Variants in GPR146 observed in about 807,000 individuals in gnomAD.
GPR146 encodes the protein G protein-coupled receptor 146, also known as G-protein coupled receptor 146.
For missense variants in GPR146, 381 were observed against 213.9 expected, an observed-to-expected ratio of 1.78 and a Z score of -4.87; for synonymous variants, 203 against 104.3, an observed-to-expected ratio of 1.95 and a Z score of -5.77.
Position 1,059,028 on chromosome 7 carries a change from A to G in GPR146, c.*511A>G, listed in dbSNP as rs1001345441. On this transcript the variant is annotated 3_prime_UTR_variant, in exon 2 of 2. Coordinates refer to ENST00000444847, the MANE Select transcript of GPR146 (RefSeq NM_001303473.2). ...GCCTGCCGGGTGTGCCGCAGTCACCACAGGGTTCTGAGAACATTTCACAGA... is the reference window on the plus strand; with the variant it reads ...GCCTGCCGGGTGTGCCGCAGTCACCGCAGGGTTCTGAGAACATTTCACAGA... 1 of 180,016 alleles carries G rather than the reference A, an allele frequency of 5.6e-6. No homozygotes were observed. Among genetic ancestry groups the G allele is most frequent in the Admixed American group, 5.5e-5 (1 of 18,158 alleles). 11.2% of individuals were successfully genotyped at this position (180,016 alleles called of 1,614,324 possible). A position where few individuals can be genotyped will look rare whatever the true frequency, so the allele number is the denominator to read the frequency against.
Position 1,052,237 on chromosome 7 carries a change from C to A in GPR146, c.-24-5255C>A, listed in dbSNP as rs1783184875. ...TGGGTGAGGAGCCTCTGAGCAGGCGCCTGCGTCGAGGCGTGCCCTCCTGAG... is the reference window on the plus strand; with the variant it reads ...TGGGTGAGGAGCCTCTGAGCAGGCGACTGCGTCGAGGCGTGCCCTCCTGAG... On this transcript the variant is annotated intron_variant, in intron 1 of 1. Transcript: ENST00000444847. This position sits in a 1 kb window ranked among gnomAD's most constrained non-coding sequence, Gnocchi z 4.2. 6.6e-6 allele frequency among the ~76,000 whole-genome samples: 1 copy of A among 152,244 alleles called. No homozygotes were observed. The highest frequency in any genetic ancestry group is 6.5e-5 in the Admixed American group (1 of 15,290).
At chr7:1,046,416 G>A (rs2128192289) in intron 1 of GPR146, among the ~76,000 whole-genome samples, 1 of 152,288 alleles carries the variant, frequency 6.6e-6, no homozygotes, top group Middle Eastern at 3.4e-3. Context: ...CTGCCTGCCA[G>A]CTCCTCTGCT....
In GPR146 at chr7:1,052,305, C is replaced by CG. The variant is rs1304081862; in HGVS notation, c.-24-5186dup. ...AGCGTCCAGCTCGGCTGGGGACACT[C>CG]GCCTGAGAAGAGCCCAGTCCTGGGT... On this transcript the variant is annotated intron_variant, in intron 1 of 1. Coordinates refer to ENST00000444847, the MANE Select transcript of GPR146 (RefSeq NM_001303473.2). This position sits in a 1 kb window ranked among gnomAD's most constrained non-coding sequence, Gnocchi z 4.2. Among the ~76,000 whole-genome samples, 1 of 152,222 alleles carries CG rather than the reference C, an allele frequency of 6.6e-6. No individual in the cohort carries two copies. The highest frequency in any genetic ancestry group is 1.5e-5 in the Non-Finnish European group (1 of 68,030).
chr7:1,050,219 ACTC>A (rs1318406975), intron 1 of GPR146, among the ~76,000 whole-genome samples: 1 of 152,100 alleles, frequency 6.6e-6, no homozygotes, highest in African/African-American at 2.4e-5. Context: ...GTGGGCAGTG[ACTC>A]CTCAGGCACA....
chr7:1,057,282 A>G (rs1881125), intron 1 of GPR146, among the ~76,000 whole-genome samples: 88,656 of 151,910 alleles, frequency 0.58, 26,295 homozygotes, highest in African/African-American at 0.67. Context: ...CCGCTGAAAT[A>G]AGTGCAGCCA....
chr7:1,050,241 A>G (rs1045099508), intron 1 of GPR146, among the ~76,000 whole-genome samples: 1 of 152,160 alleles, frequency 6.6e-6, no homozygotes, highest in African/African-American at 2.4e-5. Context: ...CAGTGGCCCA[A>G]AGTCACAGGT....
chr7:1,058,144 T>C lies in GPR146; in HGVS notation c.629T>C (p.Leu210Pro). 1 of 743,156 alleles carries C rather than the reference T, an allele frequency of 1.3e-6. No homozygotes were observed. The highest frequency in any genetic ancestry group is 2.5e-5 in the East Asian group (1 of 40,298). The allele number at this position is 743,156 out of a possible 1,614,324, so 46.0% of individuals were successfully genotyped here. ...GCCACCCTCTACGCGCTGGTGCTAC[T>C]CTCCCGCGTCCGCAGGGAGGACACG... ...ALATLYALVL[L>P]SRVRREDTPL... is the part of the protein sequence containing the mutation. The change falls in exon 2 of 2, where the codon CTC becomes CCC. Residue 210 changes from leucine (L) to proline (P), a missense_variant. By Grantham distance (98) the Leu-to-Pro change is moderately conservative. Transcript: ENST00000444847.
intron 1 of GPR146, among the ~76,000 whole-genome samples, chr7:1,048,928 C>A (rs536273967): frequency 6.6e-6 from 1 of 152,358 alleles, no homozygotes; most frequent in Admixed American, 6.5e-5. Context: ...CAGTTTAGTA[C>A]TAGTGAAACA....
In GPR146 at chr7:1,052,114, C is replaced by T. The variant is rs1203028889; in HGVS notation, c.-24-5378C>T. ...GAGGCCCAGGCAGGGCCAGCTCCTT[C>T]CACCTTCCCAGCCAAGATGCTGCCT... On this transcript the variant is annotated intron_variant, in intron 1 of 1. Coordinates refer to ENST00000444847, the MANE Select transcript of GPR146 (RefSeq NM_001303473.2). This position sits in a 1 kb window ranked among gnomAD's most constrained non-coding sequence, Gnocchi z 4.2. 5.9e-5 allele frequency among the ~76,000 whole-genome samples: 9 copies of T among 152,278 alleles called. No individual in the cohort carries two copies. The highest frequency in any genetic ancestry group is 1.3e-4 in the Non-Finnish European group (9 of 68,050).
chr7:1,045,102 C>G (rs1256761007), intron 1 of GPR146, among the ~76,000 whole-genome samples: 1 of 152,232 alleles, frequency 6.6e-6, no homozygotes, highest in Non-Finnish European at 1.5e-5. Flanking sequence ...GGACAGTTGG[C>G]AGGGCATGGG....
rs1361985495 is a variant in GPR146 at position 1,058,633 on chromosome 7, G to A, written c.*116G>A. 6.5e-6 allele frequency: 4 copies of A among 616,112 alleles called. No homozygotes were observed. The highest frequency in any genetic ancestry group is 8.9e-6 in the Non-Finnish European group (3 of 337,820). 38.2% of individuals were successfully genotyped at this position (616,112 alleles called of 1,614,324 possible). ...GAGCTGCTGGAAGAGAAGCAGGAGG[G>A]GTGTTTTTCTTGAAGTTTCCTTTTT... is the stretch of plus-strand genomic sequence containing the variant. On this transcript the variant is annotated 3_prime_UTR_variant, in exon 2 of 2. Transcript: ENST00000444847.
In GPR146 at chr7:1,058,578, G is replaced by GGGCCCTCACACGC; in HGVS notation, c.*61_*62insGGCCCTCACACGC. ...GGACGCAGAGCACTTAGTTACCCTG[G>GGGCCCTCACACGC]ACGCTCCCCACATCCTTCCAGAAGG... On this transcript the variant is annotated 3_prime_UTR_variant, in exon 2 of 2. Coordinates refer to ENST00000444847, the MANE Select transcript of GPR146 (RefSeq NM_001303473.2). 1 of 695,286 alleles carries GGGCCCTCACACGC rather than the reference G, an allele frequency of 1.4e-6. No individual in the cohort carries two copies. Among genetic ancestry groups the GGGCCCTCACACGC allele is most frequent in the East Asian group, 2.5e-5 (1 of 40,110 alleles). The allele number at this position is 695,286 out of a possible 1,614,324, so 43.1% of individuals were successfully genotyped here.
In GPR146 at chr7:1,058,381, G is replaced by C; in HGVS notation, c.866G>C (p.Ser289Thr). The C allele has an allele frequency of 1.3e-6, 1 of 780,548 alleles. No homozygotes were observed. Among genetic ancestry groups the C allele is most frequent in the Non-Finnish European group, 2.4e-6 (1 of 418,130 alleles). 48.4% of individuals were successfully genotyped at this position (780,548 alleles called of 1,614,324 possible). The change falls in exon 2 of 2, where the codon AGC becomes ACC. Residue 289 changes from serine to threonine, a missense_variant. By Grantham distance (58) the Ser-to-Thr change is moderately conservative. Transcript: ENST00000444847. ...TCCAAACTCCTGGCCTTCTCCAGCA[G>C]CTTTGTGACACCACTTCTCTACCGC... ...DFSKLLAFSS[S>T]FVTPLLYRYM...
At chr7:1,054,666 T>G (rs1783537584) in intron 1 of GPR146, among the ~76,000 whole-genome samples, 1 of 152,126 alleles carries the variant, frequency 6.6e-6, no homozygotes, top group African/African-American at 2.4e-5. Context: ...TCTCTCTGAC[T>G]CCCTGCAAGG....
At position 1,058,131 on chromosome 7, in the gene GPR146, G is replaced by C; in HGVS notation, c.616G>C (p.Ala206Pro). The C allele has an allele frequency of 1.3e-6, 1 of 752,532 alleles. No individual in the cohort carries two copies. The highest frequency in any genetic ancestry group is 1.4e-5 in the South Asian group (1 of 73,460). 46.6% of individuals were successfully genotyped at this position (752,532 alleles called of 1,614,324 possible). The change falls in exon 2 of 2, where the codon GCG (alanine) becomes CCG (proline). Residue 206 changes from alanine to proline, a missense_variant. Coordinates refer to ENST00000444847, the MANE Select transcript of GPR146 (RefSeq NM_001303473.2). ...GGTGCCAGCACTGGCCACCCTCTAC[G>C]CGCTGGTGCTACTCTCCCGCGTCCG... The part of the protein sequence containing the change: ...YVVPALATLY[A>P]LVLLSRVRRE...
rs144510243 is a variant in GPR146, at chr7:1,048,210, G to C, written c.-25+3552G>C. Among the ~76,000 whole-genome samples the C allele has an allele frequency of 1.8e-4, 27 of 152,318 alleles. 1 individual carries two copies. In the East Asian group the frequency reaches 4.8e-3, roughly 27 times the overall value. On this transcript the variant is annotated intron_variant, in intron 1 of 1. Transcript: ENST00000444847. ...CATCCGCAAAAGACAGTGTGAAAGAGAGCACCCGGAAACTTCGTGGGGATC... is the reference window on the plus strand; with the variant it reads ...CATCCGCAAAAGACAGTGTGAAAGACAGCACCCGGAAACTTCGTGGGGATC...
rs138748672 is a variant in GPR146, at chr7:1,055,463, G to A, written c.-24-2029G>A. On this transcript the variant is annotated intron_variant, in intron 1 of 1. Transcript: ENST00000444847. ...GTGGCCAGGGCCCACAGCACCAAGA[G>A]GCTTGGGCCACAAAGTAAAGGTGAG... 3.5e-3 allele frequency: 1,632 copies of A among 461,284 alleles called. 19 individuals carry two copies. Among genetic ancestry groups the A allele is most frequent in the African/African-American group, 0.03 (1,512 of 50,148 alleles). The allele number at this position is 461,284 out of a possible 1,614,324, so 28.6% of individuals were successfully genotyped here. A position where few individuals can be genotyped will look rare whatever the true frequency, so the allele number is the denominator to read the frequency against.
chr7:1,050,932 C>T (rs920368737), intron 1 of GPR146, among the ~76,000 whole-genome samples: 2 of 152,216 alleles, frequency 1.3e-5, no homozygotes, highest in Non-Finnish European at 2.9e-5. Context: ...TGGGCCTCAC[C>T]CTAGCCTGCT....
chr7:1,054,355 G>A (rs1783497910), intron 1 of GPR146, among the ~76,000 whole-genome samples: 1 of 152,192 alleles, frequency 6.6e-6, no homozygotes, highest in African/African-American at 2.4e-5. Flanking sequence ...TGCAGCTTTG[G>A]AAGTTTATAA....
Sources: allele counts gnomAD v4.1 joint callset (sites outside exome capture counted in the v4.1 genomes callset), GRCh38; gene constraint gnomAD v4.1.1; non-coding constraint Gnocchi (gnomAD v3.1); transcripts MANE v1.5; gene names NCBI Gene and HGNC (gene_info 2026-07-23, HGNC 2026-07-21).